Variants in FAM107B observed in about 807,000 individuals in gnomAD.
FAM107B encodes the protein family with sequence similarity 107 member B.
A neutral mutation model predicts 31.5 loss-of-function variants in FAM107B; 21 were observed. That is an observed-to-expected ratio of 0.67 (90% CI 0.47 to 0.96). The LOEUF (loss-of-function observed/expected upper bound fraction) is 0.96. Ranked by LOEUF, FAM107B falls within the 40% of genes least tolerant of loss-of-function variation. The pLI, the probability that FAM107B is intolerant of heterozygous loss-of-function variation, is 0.00. For synonymous variants in FAM107B, 157 were observed against 141.5 expected (o/e 1.11, Z -0.78); for missense variants, 452 against 377.1 (o/e 1.20, Z -1.64).
chr10:14,620,896 C>A (rs1040484903), intron 2 of FAM107B, among the ~76,000 whole-genome samples: 1 of 152,164 alleles, frequency 6.6e-6, no homozygotes, highest in Non-Finnish European at 1.5e-5. Flanking sequence ...AGCATACAAA[C>A]CTTACATACA....
chr10:14,748,959 C>G (rs1832777283), intron 1 of FAM107B, among the ~76,000 whole-genome samples: 1 of 152,242 alleles, frequency 6.6e-6, no homozygotes, highest in Non-Finnish European at 1.5e-5. Flanking sequence ...ATTTTACCCA[C>G]TTCTTCCTCA....
chr10:14,643,834 C>A (rs910417757), intron 2 of FAM107B, among the ~76,000 whole-genome samples: 1 of 152,222 alleles, frequency 6.6e-6, no homozygotes, highest in African/African-American at 2.4e-5. Flanking sequence ...CAAGTTATCA[C>A]ATAAAACTAA....
chr10:14,590,058 T>A (rs531414634), intron 2 of FAM107B, among the ~76,000 whole-genome samples: 1 of 152,328 alleles, frequency 6.6e-6, no homozygotes, highest in South Asian at 2.1e-4. Context: ...TATTCCAGGA[T>A]GAGTTTTGGT....
chr10:14,578,462 A>T (rs962358649), intron 2 of FAM107B, among the ~76,000 whole-genome samples: 1 of 152,246 alleles, frequency 6.6e-6, no homozygotes, highest in Non-Finnish European at 1.5e-5. Context: ...AGATTCTGAA[A>T]TAACACTACT....
intron 2 of FAM107B, among the ~76,000 whole-genome samples, chr10:14,640,781 A>T (rs1190971694): frequency 6.6e-6 from 1 of 152,204 alleles, no homozygotes; most frequent in African/African-American, 2.4e-5. Context: ...TCATTGTCAC[A>T]CAGCTAGTTA....
rs189237167 is a variant in FAM107B at position 14,773,312 on chromosome 10, C to A, written c.411+941G>T. Among the ~76,000 whole-genome samples the A allele has an allele frequency of 1.1e-4, 16 of 152,268 alleles. No homozygotes were observed. In the East Asian group the frequency reaches 1.5e-3, roughly 15 times the overall value. On this transcript the variant is annotated intron_variant, in intron 1 of 4. Coordinates refer to ENST00000181796, the MANE Select transcript of FAM107B (RefSeq NM_031453.4). ...TCTTGCTAAGGAGGCTTCTTAGATT[C>A]TGTGAAGCAAGCCAGACCAAAAAAT...
chr10:14,602,345 A>C (rs1852426738), intron 2 of FAM107B: 2 of 152,226 alleles, frequency 1.3e-5, no homozygotes, highest in African/African-American at 4.8e-5. Flanking sequence ...ACCTACTTCT[A>C]AACGGTTGTC....
intron 2 of FAM107B, among the ~76,000 whole-genome samples, chr10:14,541,224 G>A (rs936291421): frequency 3.9e-5 from 6 of 151,986 alleles, no homozygotes; most frequent in East Asian, 3.9e-4. Flanking sequence ...CCTCTAATCC[G>A]GCTGCATCCT....
intron 2 of FAM107B, among the ~76,000 whole-genome samples, chr10:14,577,793 A>C (rs892822537): frequency 2.0e-5 from 3 of 152,228 alleles, no homozygotes; most frequent in Admixed American, 2.0e-4. Context: ...TGTGAACAAA[A>C]GTATTTACTT....
At chr10:14,770,462 G>C (rs1442988776) in intron 1 of FAM107B, among the ~76,000 whole-genome samples, 1 of 152,170 alleles carries the variant, frequency 6.6e-6, no homozygotes, top group African/African-American at 2.4e-5. Flanking sequence ...GGCAGAAGTT[G>C]CAGTGAGCCG....
At chr10:14,707,182 A>T (rs1271111474) in intron 1 of FAM107B, among the ~76,000 whole-genome samples, 1 of 152,108 alleles carries the variant, frequency 6.6e-6, no homozygotes, top group Non-Finnish European at 1.5e-5. Context: ...AAACAAAAAA[A>T]TGGTTACAGT....
chr10:14,655,298 G>A (rs758923597), intron 2 of FAM107B, among the ~76,000 whole-genome samples: 31 of 152,226 alleles, frequency 2.0e-4, no homozygotes, highest in Admixed American at 3.9e-4. Flanking sequence ...GAGATTTGGA[G>A]GGGACAAATA....
intron 2 of FAM107B, among the ~76,000 whole-genome samples, chr10:14,666,342 T>C (rs1854403006): frequency 6.6e-6 from 1 of 152,102 alleles, no homozygotes; most frequent in African/African-American, 2.4e-5. Flanking sequence ...CACATGACAG[T>C]AGCAAGGAGA....
intron 2 of FAM107B, among the ~76,000 whole-genome samples, chr10:14,567,036 C>T (rs1850730254): frequency 6.6e-6 from 1 of 152,158 alleles, no homozygotes; most frequent in Admixed American, 6.5e-5. Context: ...GCCTGTAGTC[C>T]CAGCTACTTT....
Position 14,519,865 on chromosome 10 carries a change from A to G in FAM107B, c.*1325T>C, listed in dbSNP as rs1845465665. The G allele has an allele frequency of 6.6e-6, 1 of 152,530 alleles. No homozygotes were observed. Among genetic ancestry groups the G allele is most frequent in the East Asian group, 1.9e-4 (1 of 5,196 alleles). 9.4% of individuals were successfully genotyped at this position (152,530 alleles called of 1,614,324 possible). On this transcript the variant is annotated 3_prime_UTR_variant, in exon 5 of 5. Transcript: ENST00000181796. ...ACAATTCTTCGGTATCACCCAGGCA[A>G]AAGGTACCGATGCCCACACTAGCAG...
chr10:14,530,864 A>G (rs1482424641), intron 2 of FAM107B, among the ~76,000 whole-genome samples: 2 of 152,230 alleles, frequency 1.3e-5, no homozygotes, highest in African/African-American at 4.8e-5. Context: ...GTCAGAAAAA[A>G]AGAAAGTTCA....
intron 1 of FAM107B, among the ~76,000 whole-genome samples, chr10:14,709,472 C>T (rs1351915105): frequency 1.3e-5 from 2 of 152,008 alleles, no homozygotes; most frequent in Non-Finnish European, 2.9e-5. Context: ...AGGGAAACTC[C>T]AGTTTTTATA....
At position 14,559,109 on chromosome 10, in the gene FAM107B, A is replaced by C. The variant is rs75101671; in HGVS notation, c.470-28594T>G. On this transcript the variant is annotated intron_variant, in intron 2 of 4. Transcript: ENST00000181796. ...TCACCTGTGGAACTTCAAAAAAAAAAAAAAAAAACAAAAAAAAAACACCTG... is the reference window on the plus strand; with the variant it reads ...TCACCTGTGGAACTTCAAAAAAAAACAAAAAAAACAAAAAAAAAACACCTG... Among the ~76,000 whole-genome samples, 429 of 69,666 alleles carry C rather than the reference A, an allele frequency of 6.2e-3. 3 individuals are homozygous for C. Among genetic ancestry groups the C allele is most frequent in the African/African-American group, 0.016 (384 of 24,514 alleles). 45.7% of individuals were successfully genotyped at this position (69,666 alleles called of 152,430 possible).
At chr10:14,750,093 A>G (rs1381435251) in intron 1 of FAM107B, among the ~76,000 whole-genome samples, 2 of 152,308 alleles carry the variant, frequency 1.3e-5, no homozygotes, top group East Asian at 3.9e-4. Context: ...GGCCAGAAGA[A>G]CAATATGGAG....
Sources: gnomAD v4.1 joint callset for allele counts (sites outside exome capture counted in the v4.1 genomes callset) on GRCh38, gnomAD v4.1.1 for gene constraint, MANE v1.5 for transcripts, NCBI Gene and HGNC (gene_info 2026-07-23, HGNC 2026-07-21) for gene names.